The following HCN1 variants were observed in gnomAD, a reference collection of about 807,000 sequenced individuals.
HCN1 encodes the protein hyperpolarization activated cyclic nucleotide gated potassium channel 1.
HCN1 carries 13 observed loss-of-function variants against 78.9 expected under a neutral mutation model. That is an observed-to-expected ratio of 0.16 (90% CI 0.11 to 0.26). HCN1 has a LOEUF of 0.26. Among genes scored for constraint, HCN1 ranks in the 10% least tolerant of loss-of-function variants. The probability of loss-of-function intolerance (pLI) is 1.00; values close to 1 mark genes in which losing one functional copy is unlikely to be tolerated. For missense variants in HCN1, 810 were observed against 1,154.3 expected, an observed-to-expected ratio of 0.70 and a Z score of 4.32; for synonymous variants, 552 against 455.5, an observed-to-expected ratio of 1.21 and a Z score of -2.70.
chr5:45,521,710 C>T (rs558893048), intron 2 of HCN1, among the ~76,000 whole-genome samples: 24 of 152,008 alleles, frequency 1.6e-4, no homozygotes, highest in African/African-American at 5.3e-4. Flanking sequence ...TTCACCATAT[C>T]TTTTGCAGGG....
At chr5:45,359,969 C>A (rs1474203018) in intron 4 of HCN1, among the ~76,000 whole-genome samples, 1 of 147,926 alleles carries the variant, frequency 6.8e-6, no homozygotes, top group Admixed American at 6.7e-5. Flanking sequence ...ATTTTTTTTA[C>A]CTTTCAGTTT....
At chr5:45,527,261 A>C (rs1742755722) in intron 2 of HCN1, among the ~76,000 whole-genome samples, 1 of 137,644 alleles carries the variant, frequency 7.3e-6, no homozygotes, top group African/African-American at 2.7e-5. Context: ...CTTCATTTGC[A>C]TGGCGTATAG....
intron 2 of HCN1, among the ~76,000 whole-genome samples, chr5:45,604,414 A>C (rs1014187881): frequency 2.0e-5 from 3 of 151,922 alleles, no homozygotes; most frequent in Non-Finnish European, 4.4e-5. Flanking sequence ...TCCAGTTAGG[A>C]ACATGAAAGA....
chr5:45,375,730 TTA>T (rs1304401822), intron 4 of HCN1, among the ~76,000 whole-genome samples: 2 of 118,054 alleles, frequency 1.7e-5, no homozygotes, highest in African/African-American at 3.4e-5. Context: ...ATATCATATT[TTA>T]TGATATATCT....
At chr5:45,656,970 T>C (rs1270561842) in intron 1 of HCN1, among the ~76,000 whole-genome samples, 1 of 152,066 alleles carries the variant, frequency 6.6e-6, no homozygotes, top group Admixed American at 6.6e-5. Context: ...TGTTATTTGA[T>C]ATTATACTGC....
At chr5:45,494,436 T>C (rs1296230314) in intron 2 of HCN1, among the ~76,000 whole-genome samples, 3 of 151,976 alleles carry the variant, frequency 2.0e-5, no homozygotes, top group African/African-American at 4.8e-5. Context: ...CGCCCACTTT[T>C]TGATGGGGTT....
rs1740009793 is a variant in HCN1 at position 45,696,183 on chromosome 5, A to C, written c.-90T>G. ...ACGTAGCCGAGAGGGTAGGGGCCCGAGCCGGCTGCCGGCGAGCCCAGCTGC... is the reference window on the plus strand; with the variant it reads ...ACGTAGCCGAGAGGGTAGGGGCCCGCGCCGGCTGCCGGCGAGCCCAGCTGC... On this transcript the variant is annotated 5_prime_UTR_variant, in exon 1 of 8. Coordinates refer to ENST00000303230, the MANE Select transcript of HCN1 (RefSeq NM_021072.4). 4 of 800,914 alleles carry C rather than the reference A, an allele frequency of 5.0e-6. No homozygotes were observed. The highest frequency in any genetic ancestry group is 6.2e-6 in the Non-Finnish European group (4 of 640,654). The allele number at this position is 800,914 out of a possible 1,614,324, so 49.6% of individuals were successfully genotyped here.
At position 45,583,353 on chromosome 5, in the gene HCN1, T is replaced by A. The variant is rs570846622; in HGVS notation, c.849+61832A>T. On this transcript the variant is annotated intron_variant, in intron 2 of 7. Transcript: ENST00000303230. ...ATTCTCTGATGGTAGTTTGTATTTC[T>A]GTGGGATCAGCGGTGACATCCCCTT... is the stretch of plus-strand genomic sequence containing the variant. 2.2e-4 allele frequency among the ~76,000 whole-genome samples: 34 copies of A among 152,342 alleles called. 1 individual carries two copies. The South Asian group carries it at 6.8e-3, about 31-fold the overall frequency.
chr5:45,520,295 T>C (rs1286224929), intron 2 of HCN1, among the ~76,000 whole-genome samples: 2 of 152,014 alleles, frequency 1.3e-5, no homozygotes, highest in Non-Finnish European at 2.9e-5. Flanking sequence ...ATTGAAAGCA[T>C]TGTTCATTGC....
At chr5:45,373,888 T>A (rs970121395) in intron 4 of HCN1, among the ~76,000 whole-genome samples, 1 of 135,844 alleles carries the variant, frequency 7.4e-6, no homozygotes, top group Non-Finnish European at 1.5e-5. Flanking sequence ...ATACGGTATA[T>A]ATGTCATCTA....
chr5:45,573,600 T>C (rs1455210643), intron 2 of HCN1, among the ~76,000 whole-genome samples: 1 of 152,218 alleles, frequency 6.6e-6, no homozygotes, highest in East Asian at 1.9e-4. Context: ...AATGGTCTTA[T>C]GTGCTATTAC....
chr5:45,629,758 C>T (rs1745236671), intron 2 of HCN1, among the ~76,000 whole-genome samples: 1 of 151,986 alleles, frequency 6.6e-6, no homozygotes, highest in Admixed American at 6.6e-5. Flanking sequence ...AAGACATGCT[C>T]CCTATTGGTT....
At chr5:45,327,706 A>T (rs1269616548) in intron 5 of HCN1, among the ~76,000 whole-genome samples, 1 of 151,606 alleles carries the variant, frequency 6.6e-6, no homozygotes, top group East Asian at 1.9e-4. Context: ...AGTTAAAATT[A>T]ATTAACTAGG....
At chr5:45,373,531 C>A (rs1232382691) in intron 4 of HCN1, among the ~76,000 whole-genome samples, 1 of 140,142 alleles carries the variant, frequency 7.1e-6, no homozygotes, top group African/African-American at 2.6e-5. Context: ...ATATTACATA[C>A]ATTATATAGG....
intron 5 of HCN1, among the ~76,000 whole-genome samples, chr5:45,328,466 G>A (rs1228892696): frequency 1.3e-5 from 2 of 151,472 alleles, no homozygotes; most frequent in African/African-American, 4.8e-5. Context: ...CAAATATCCT[G>A]TATCTAAATA....
At chr5:45,613,039 A>G (rs936958060) in intron 2 of HCN1, among the ~76,000 whole-genome samples, 1 of 152,030 alleles carries the variant, frequency 6.6e-6, no homozygotes. Flanking sequence ...GTTTTAGGGT[A>G]CATGTGCACA....
chr5:45,353,303 C>T, intron 4 of HCN1, 57 bp from the exon 5 acceptor site: 1 of 1,304,490 alleles, frequency 7.7e-7, no homozygotes, highest in Non-Finnish European at 1.1e-6. Flanking sequence ...TATCAGAAAT[C>T]ATATTATTTT....
intron 3 of HCN1, among the ~76,000 whole-genome samples, chr5:45,440,654 C>T (rs1579896263): frequency 6.6e-6 from 1 of 152,188 alleles, no homozygotes; most frequent in Non-Finnish European, 1.5e-5. Flanking sequence ...CTACCTCAAG[C>T]ATTTATTGCT....
chr5:45,305,866 G>T (rs1247927935), intron 5 of HCN1, among the ~76,000 whole-genome samples: 1 of 149,822 alleles, frequency 6.7e-6, no homozygotes, highest in African/African-American at 2.5e-5. Context: ...AGGGAAGGAG[G>T]GAGGGAGGAA....
Sources: gnomAD v4.1 joint callset for allele counts (sites outside exome capture counted in the v4.1 genomes callset) on GRCh38, gnomAD v4.1.1 for gene constraint, MANE v1.5 for transcripts, NCBI Gene and HGNC (gene_info 2026-07-23, HGNC 2026-07-21) for gene names.